NEDD4L: variants seen among roughly 807,000 people sequenced by gnomAD.
The protein encoded by NEDD4L is E3 ubiquitin-protein ligase NEDD4-like.
A neutral mutation model predicts 148.9 loss-of-function variants in NEDD4L; 54 were observed. The observed-to-expected ratio is 0.36, with a 90% CI of 0.29 to 0.45. The LOEUF is 0.45. Among genes scored for constraint, NEDD4L ranks in the 20% least tolerant of loss-of-function variants. The pLI is 1.00. For synonymous variants in NEDD4L, 433 were observed against 440.7 expected, an observed-to-expected ratio of 0.98 and a Z score of 0.22; for missense variants, 856 against 1,233.8, an observed-to-expected ratio of 0.69 and a Z score of 4.59.
intron 4 of NEDD4L, among the ~76,000 whole-genome samples, chr18:58,250,059 A>C (rs2047709573): frequency 6.6e-6 from 1 of 152,232 alleles, no homozygotes; most frequent in African/African-American, 2.4e-5. Flanking sequence ...ATGTTAGTAC[A>C]TCCCATACTT....
At chr18:58,194,962 C>A (rs557891069) in intron 2 of NEDD4L, among the ~76,000 whole-genome samples, 40 of 152,320 alleles carry the variant, frequency 2.6e-4, no homozygotes, top group African/African-American at 9.6e-4. Flanking sequence ...GGACAAGAAG[C>A]TTGCTGGATG....
At position 58,366,256 on chromosome 18, in the gene NEDD4L, G is replaced by GGCCATA; in HGVS notation, c.2063+28_2063+29insGCCATA. 1.4e-6 allele frequency: 2 copies of GGCCATA among 1,438,774 alleles called. No homozygotes were observed. Among genetic ancestry groups the GGCCATA allele is most frequent in the Non-Finnish European group, 1.9e-6 (2 of 1,053,664 alleles). 89.1% of individuals were successfully genotyped at this position (1,438,774 alleles called of 1,614,324 possible). On this transcript the variant is annotated intron_variant, in intron 21 of 30. Coordinates refer to ENST00000400345, the MANE Select transcript of NEDD4L (RefSeq NM_001144967.3). This position sits in a 1 kb window ranked among gnomAD's most constrained non-coding sequence, Gnocchi z 4.2. ...AAGTATATGGCCACACCCAGTGTGT[G>GGCCATA]TCCCCCACTGAGACAGTTGTATGAA...
At chr18:58,331,321 C>T (rs2144719746) in intron 11 of NEDD4L, among the ~76,000 whole-genome samples, 2 of 152,322 alleles carry the variant, frequency 1.3e-5, no homozygotes, top group Middle Eastern at 6.8e-3. Context: ...CTAATCAGTC[C>T]TCTTAAGTCA....
intron 24 of NEDD4L, among the ~76,000 whole-genome samples, chr18:58,376,816 C>G (rs897788650): frequency 1.3e-5 from 2 of 152,350 alleles, no homozygotes; most frequent in East Asian, 1.9e-4. Context: ...CCTGGCTCTC[C>G]CTGCTCCTCC....
chr18:58,213,105 TGG>T (rs2042767354), intron 2 of NEDD4L, among the ~76,000 whole-genome samples: 2 of 152,030 alleles, frequency 1.3e-5, no homozygotes, highest in African/African-American at 4.8e-5. Flanking sequence ...AAGTGGCAAG[TGG>T]TATTATTTCT....
intron 1 of NEDD4L, among the ~76,000 whole-genome samples, chr18:58,153,409 G>A (rs182427054): frequency 1.7e-4 from 25 of 149,404 alleles, no homozygotes; most frequent in Admixed American, 1.5e-3. Flanking sequence ...GCACAATCTT[G>A]GCTCACTGCA....
chr18:58,094,517 G>A (rs907009623), intron 1 of NEDD4L, among the ~76,000 whole-genome samples: 2 of 152,160 alleles, frequency 1.3e-5, no homozygotes, highest in Non-Finnish European at 2.9e-5. Flanking sequence ...TCGCCGCCCT[G>A]GCCGGCTGGA....
chr18:58,382,192 C>G (rs867852856), intron 24 of NEDD4L, among the ~76,000 whole-genome samples: 1 of 152,150 alleles, frequency 6.6e-6, no homozygotes, highest in Admixed American at 6.5e-5. Flanking sequence ...GTGGAGAAGC[C>G]GCATGAGAGA....
chr18:58,090,947 G>C (rs920216706), intron 1 of NEDD4L: 2 of 152,244 alleles, frequency 1.3e-5, no homozygotes, highest in Admixed American at 6.5e-5. Flanking sequence ...CAGGTCCCCT[G>C]TCCAGGAAGT....
chr18:58,172,930 G>C (rs948740017), intron 2 of NEDD4L, among the ~76,000 whole-genome samples: 2 of 152,070 alleles, frequency 1.3e-5, no homozygotes, highest in African/African-American at 4.8e-5. Context: ...CTTTTTTTGA[G>C]GGGTACCTTT....
Position 58,251,920 on chromosome 18 carries a change from G to C in NEDD4L, c.244-81G>C, listed in dbSNP as rs573311711. 2.4e-5 allele frequency: 19 copies of C among 787,614 alleles called. No homozygotes were observed. The African/African-American group carries it at 2.9e-4, about 12-fold the overall frequency. The allele number at this position is 787,614 out of a possible 1,614,324, so 48.8% of individuals were successfully genotyped here. The stretch of plus-strand genomic sequence containing the variant: ...ATTGAGTTGGGCGCATTGTAAAGCA[G>C]TATGTTATTCTTTCTGTTCCTTACG... On this transcript the variant is annotated intron_variant, in intron 4 of 30. Coordinates refer to ENST00000400345, the MANE Select transcript of NEDD4L (RefSeq NM_001144967.3).
At chr18:58,071,254 G>A (rs1307219807) in intron 1 of NEDD4L, among the ~76,000 whole-genome samples, 1 of 152,136 alleles carries the variant, frequency 6.6e-6, no homozygotes, top group Non-Finnish European at 1.5e-5. Context: ...AGGCTGCAGT[G>A]AGCCATGGTC....
rs114386409 is a variant in NEDD4L at position 58,235,891 on chromosome 18, G to A, written c.123-9536G>A. Among the ~76,000 whole-genome samples, 1,521 of 152,150 alleles carry A rather than the reference G, an allele frequency of 1.0e-2. 32 individuals carry two copies. The highest frequency in any genetic ancestry group is 0.035 in the African/African-American group (1,436 of 41,488). The stretch of plus-strand genomic sequence containing the variant: ...AATTAAAAGTATGTCTTTATAGCCG[G>A]GTGTGGTGGCTCACATCTGTAGTCC... On this transcript the variant is annotated intron_variant, in intron 2 of 30. Transcript: ENST00000400345.
chr18:58,255,317 A>T (rs1368926619), intron 5 of NEDD4L: 10 of 65,478 alleles, frequency 1.5e-4, no homozygotes, highest in Non-Finnish European at 2.4e-4. Flanking sequence ...TTGCTGTTTA[A>T]AAAAAAAAAA....
In NEDD4L at chr18:58,094,342, G is replaced by T. The variant is rs184458267; in HGVS notation, c.48+49634G>T. Among the ~76,000 whole-genome samples the T allele has an allele frequency of 7.9e-5, 12 of 151,762 alleles. No individual in the cohort carries two copies. In the East Asian group the frequency reaches 2.3e-3, roughly 29 times the overall value. On this transcript the variant is annotated intron_variant, in intron 1 of 30. Coordinates refer to ENST00000400345, the MANE Select transcript of NEDD4L (RefSeq NM_001144967.3). The stretch of plus-strand genomic sequence containing the variant: ...TGGGACCACAGGCACATGCCACCCC[G>T]CCTGGCTAATTTTTTGTATTTTTTT...
intron 2 of NEDD4L, among the ~76,000 whole-genome samples, chr18:58,173,712 C>A (rs181935218): frequency 3.3e-5 from 5 of 152,216 alleles, no homozygotes; most frequent in Admixed American, 2.0e-4. Flanking sequence ...TACTTCAGCC[C>A]AAACCTCTAA....
At chr18:58,325,333 AACTTGTAT>A (rs1473784271) in intron 9 of NEDD4L, among the ~76,000 whole-genome samples, 171 bp downstream of exon 9, 1 of 152,280 alleles carries the variant, frequency 6.6e-6, no homozygotes, top group Admixed American at 6.5e-5. Flanking sequence ...GAGCAGTCAG[AACTTGTAT>A]ATTGTAAGCG....
intron 2 of NEDD4L, among the ~76,000 whole-genome samples, chr18:58,166,863 G>A (rs1227014864): frequency 1.3e-5 from 2 of 152,128 alleles, no homozygotes; most frequent in African/African-American, 4.8e-5. Flanking sequence ...TGACACTGGA[G>A]TCCCTCTATA....
chr18:58,058,851 TGTTG>T (rs1266663256), intron 1 of NEDD4L, among the ~76,000 whole-genome samples: 3 of 152,180 alleles, frequency 2.0e-5, no homozygotes, highest in African/African-American at 4.8e-5. Context: ...AATGAAGGAT[TGTTG>T]GTTTATGTGT....
Sources: gnomAD v4.1 joint callset for allele counts (sites outside exome capture counted in the v4.1 genomes callset) on GRCh38, gnomAD v4.1.1 for gene constraint, Gnocchi (gnomAD v3.1) non-coding constraint, MANE v1.5 for transcripts, NCBI Gene and HGNC (gene_info 2026-07-23, HGNC 2026-07-21) for gene names.